Variants in ARHGEF11 observed in about 807,000 individuals in gnomAD.
ARHGEF11 encodes the protein Rho guanine exchange factor (GEF) 11.
In ARHGEF11, 55 loss-of-function variants were observed where a neutral mutation model predicts 193.7. The ratio of observed to expected loss-of-function variants is 0.28; its 90% CI spans 0.23 to 0.36. The LOEUF (loss-of-function observed/expected upper bound fraction) is 0.36, where lower values mean the gene tolerates loss of function less well. ARHGEF11 is among the 10% of genes least tolerant of loss of function. The probability of loss-of-function intolerance (pLI) is 1.00; values close to 1 mark genes in which losing one functional copy is unlikely to be tolerated. For missense variants in ARHGEF11, 1,723 were observed against 2,005.6 expected, an observed-to-expected ratio of 0.86 and a Z score of 2.69; for synonymous variants, 693 against 768.0, an observed-to-expected ratio of 0.90 and a Z score of 1.62.
chr1:156,937,406 C>T lies in ARHGEF11; in HGVS notation c.4283G>A (p.Ser1428Asn), dbSNP rs373746415. ...EAPMSPPQPD[S>N]LPAGQTEPQP... ...AGGCTCTGTCTGCCCTGCAGGGAGG[C>T]TGTCAGGCTGAGGGGGGCTCATGGG... is the stretch of plus-strand genomic sequence containing the variant. Residue 1428 changes from serine (S) to asparagine (N), a missense_variant, in exon 39 of 41, where the codon AGC becomes AAC. Transcript: ENST00000368194. 1.9e-6 allele frequency: 3 copies of T among 1,593,936 alleles called. No individual in the cohort carries two copies. Among genetic ancestry groups the T allele is most frequent in the Admixed American group, 1.7e-5 (1 of 57,312 alleles).
chr1:156,994,239 T>C (rs1666159247), intron 1 of ARHGEF11, among the ~76,000 whole-genome samples: 1 of 152,206 alleles, frequency 6.6e-6, no homozygotes, highest in South Asian at 2.1e-4. Context: ...TCCAGCACAG[T>C]GCCTGGTGCA....
Position 156,939,453 on chromosome 1 carries a change from CAGGGGGAGTAT to C in ARHGEF11, c.4096+84_4096+94del, listed in dbSNP as rs112685506. Reference sequence around the variant, plus strand: ...CGTAGGTCTCTGCTCACACGGTACCCAGGGGGAGTATAGGGAAGGAAGCAGCTGTTCGGAAG... The same window carrying C: ...CGTAGGTCTCTGCTCACACGGTACCCAGGGAAGGAAGCAGCTGTTCGGAAG... On this transcript the variant is annotated intron_variant, in intron 37 of 40. Transcript: ENST00000368194. 442 of 1,562,986 alleles carry C rather than the reference CAGGGGGAGTAT, an allele frequency of 2.8e-4. 1 individual carries two copies. In the Middle Eastern group the frequency reaches 5.3e-3, roughly 19 times the overall value.
At position 156,967,987 on chromosome 1, in the gene ARHGEF11, C is replaced by A. The variant is rs1276730756; in HGVS notation, c.963G>T (p.Gln321His). The change falls in exon 11 of 41, where the codon CAG becomes CAT. Residue 321 changes from glutamine (Q) to histidine (H), a missense_variant and splice_region_variant. Gln to His is a conservative substitution (Grantham distance 24, BLOSUM62 0). Around this residue, in one of 5 missense-constraint regions of ARHGEF11, gnomAD observed 646 missense variants for 710.7 expected, o/e 0.91. Transcript: ENST00000368194. ...TGCAGGGTGGCTCCAGATCACTCAC[C>A]TGGTCACCGGTTGAGGGGACTGCTG... is the stretch of plus-strand genomic sequence containing the variant. The part of the protein sequence containing the change: ...SDAAVPSTGD[Q>H]GVDQSPKPLI... 6 of 1,614,134 alleles carry A rather than the reference C, an allele frequency of 3.7e-6. No homozygotes were observed. Among genetic ancestry groups the A allele is most frequent in the Admixed American group, 1.7e-5 (1 of 60,030 alleles).
At chr1:157,024,598 G>T (rs1393571145) in intron 1 of ARHGEF11, among the ~76,000 whole-genome samples, 7 of 152,100 alleles carry the variant, frequency 4.6e-5, no homozygotes, top group Non-Finnish European at 7.4e-5. Context: ...TGCAGGTATA[G>T]GTGGTGCCCA....
rs145416871 is a variant in ARHGEF11 at position 157,038,029 on chromosome 1, CAAAAAAAAAAA to C, written c.32+6259_32+6269del. On this transcript the variant is annotated intron_variant, in intron 1 of 40. Coordinates refer to ENST00000368194, the MANE Select transcript of ARHGEF11 (RefSeq NM_198236.3). ...CCTGGGTGACAGAGCAAGACTGTCT[CAAAAAAAAAAA>C]AAAAAAAAAAAAAAAGAATGTAAGC... Among the ~76,000 whole-genome samples the C allele has an allele frequency of 1.8e-4, 8 of 45,518 alleles. 1 individual carries two copies. Among genetic ancestry groups the C allele is most frequent in the Non-Finnish European group, 2.6e-4 (7 of 26,884 alleles). 29.9% of individuals were successfully genotyped at this position (45,518 alleles called of 152,430 possible).
At chr1:156,991,501 A>G (rs1665692214) in intron 1 of ARHGEF11, among the ~76,000 whole-genome samples, 1 of 151,384 alleles carries the variant, frequency 6.6e-6, no homozygotes, top group Admixed American at 6.6e-5. Context: ...CGTATTTTTT[A>G]TAGAGATGGG....
intron 17 of ARHGEF11, 115 bp downstream of exon 17, chr1:156,958,627 G>C: frequency 6.8e-7 from 1 of 1,459,974 alleles, no homozygotes; most frequent in Middle Eastern, 2.3e-4. Context: ...ATCTTTCAGG[G>C]GCAGGAGAAT....
Position 156,947,817 on chromosome 1 carries a change from C to A in ARHGEF11, c.2293G>T (p.Val765Leu). 6.2e-7 allele frequency: 1 copy of A among 1,613,910 alleles called. No individual in the cohort carries two copies. The highest frequency in any genetic ancestry group is 1.1e-5 in the South Asian group (1 of 91,072). ...ATCTCCCGCTGGGTTAGCCCAGCCA[C>A]CACATCCTTGCCCACTGTATGCTGC... Reference protein sequence around the residue: ...NWQHTVGKDVVAGLTQREIDR... With the variant: ...NWQHTVGKDVLAGLTQREIDR... The change falls in exon 25 of 41, where the codon GTG (valine) becomes TTG (leucine). Residue 765 changes from valine to leucine, a missense_variant. Physicochemically the swap from Val to Leu is conservative, Grantham distance 32. Coordinates refer to ENST00000368194, the MANE Select transcript of ARHGEF11 (RefSeq NM_198236.3).
At chr1:156,962,583 A>G (rs1358011274) in intron 13 of ARHGEF11, among the ~76,000 whole-genome samples, 1 of 152,084 alleles carries the variant, frequency 6.6e-6, no homozygotes, top group Non-Finnish European at 1.5e-5. Flanking sequence ...CTTCGTTTAA[A>G]AAACGAAGGA....
At chr1:156,963,909 A>T in intron 11 of ARHGEF11, 1 of 487,264 alleles carries the variant, frequency 2.1e-6, no homozygotes, top group Non-Finnish European at 3.1e-6. Context: ...AGTCAACAAA[A>T]TAAGAGCCAA....
At chr1:157,009,420 G>GAC (rs906165570) in intron 1 of ARHGEF11, among the ~76,000 whole-genome samples, 6 of 152,194 alleles carry the variant, frequency 3.9e-5, no homozygotes, top group African/African-American at 1.2e-4. Flanking sequence ...GGAGTTAGGA[G>GAC]ACACAGGCAA....
chr1:156,941,543 AC>A lies in ARHGEF11; in HGVS notation c.3453-111del, dbSNP rs1656928445. The A allele has an allele frequency of 6.3e-6, 8 of 1,266,096 alleles. No individual in the cohort carries two copies. In the East Asian group the frequency reaches 1.9e-4, roughly 31 times the overall value. The allele number at this position is 1,266,096 out of a possible 1,614,324, so 78.4% of individuals were successfully genotyped here. On this transcript the variant is annotated intron_variant, in intron 34 of 40. Transcript: ENST00000368194. Reference sequence around the variant, plus strand: ...CGAGAAGGACGGTGTGGGCCTCTTCACCTGGCTGGTCTGCTTGGCAACCCAG... The same window carrying A: ...CGAGAAGGACGGTGTGGGCCTCTTCACTGGCTGGTCTGCTTGGCAACCCAG...
At chr1:156,964,885 A>G (rs1661482913) in intron 11 of ARHGEF11, among the ~76,000 whole-genome samples, 1 of 152,202 alleles carries the variant, frequency 6.6e-6, no homozygotes, top group South Asian at 2.1e-4. Flanking sequence ...AAACCTGAAA[A>G]GCACTAAGCT....
intron 1 of ARHGEF11, among the ~76,000 whole-genome samples, chr1:157,015,574 T>C (rs936761449): frequency 6.6e-6 from 1 of 152,250 alleles, no homozygotes; most frequent in Non-Finnish European, 1.5e-5. Context: ...TTTGAGCTAC[T>C]TGAGGCAGGG....
At chr1:157,032,632 T>A (rs1245781518) in intron 1 of ARHGEF11, among the ~76,000 whole-genome samples, 2 of 150,672 alleles carry the variant, frequency 1.3e-5, no homozygotes, top group Non-Finnish European at 1.5e-5. Context: ...AGGAGCGACA[T>A]TTTTTTTTTC....
intron 33 of ARHGEF11, among the ~76,000 whole-genome samples, chr1:156,942,191 C>G (rs1371469415): frequency 6.6e-6 from 1 of 152,234 alleles, no homozygotes; most frequent in Admixed American, 6.5e-5. Context: ...CACCAACCCT[C>G]TGTTACACTC....
chr1:157,045,175 G>A lies in ARHGEF11; in HGVS notation c.-845C>T, dbSNP rs536126457. On this transcript the variant is annotated 5_prime_UTR_variant, in exon 1 of 41. Transcript: ENST00000368194. Reference sequence around the variant, plus strand: ...TGATAACAAACCAGAGATAATCTCTGAAAATATTCTCTCCTTTTCTTTTTC... The same window carrying A: ...TGATAACAAACCAGAGATAATCTCTAAAAATATTCTCTCCTTTTCTTTTTC... 1 of 152,184 alleles carries A rather than the reference G, an allele frequency of 6.6e-6. No individual in the cohort carries two copies. Among genetic ancestry groups the A allele is most frequent in the East Asian group, 1.9e-4 (1 of 5,186 alleles). 9.4% of individuals were successfully genotyped at this position (152,184 alleles called of 1,614,324 possible).
intron 1 of ARHGEF11, among the ~76,000 whole-genome samples, chr1:156,992,239 T>C (rs990885370): frequency 2.0e-5 from 3 of 152,216 alleles, no homozygotes; most frequent in African/African-American, 7.2e-5. Flanking sequence ...GGTAGTATCA[T>C]CCCCTTTTTG....
chr1:156,995,921 G>A (rs1444347018), intron 1 of ARHGEF11, among the ~76,000 whole-genome samples: 1 of 151,944 alleles, frequency 6.6e-6, no homozygotes, highest in Non-Finnish European at 1.5e-5. Context: ...ATGCATACTT[G>A]TCCAGAACAC....
Sources: allele counts gnomAD v4.1 joint callset (sites outside exome capture counted in the v4.1 genomes callset), GRCh38; gene constraint gnomAD v4.1.1; regional missense constraint gnomAD v4.1.1; transcripts MANE v1.5; gene names NCBI Gene and HGNC (gene_info 2026-07-23, HGNC 2026-07-21).